Variants in RPL18 observed in about 807,000 individuals in gnomAD.
RPL18 encodes large ribosomal subunit protein eL18.
A neutral mutation model predicts 25.0 loss-of-function variants in RPL18; 4 were observed. The ratio of observed to expected loss-of-function variants is 0.16; its 90% CI spans 0.08 to 0.37. RPL18 has a LOEUF of 0.37. Among genes scored for constraint, RPL18 ranks in the 10% least tolerant of loss-of-function variants. The pLI is 1.00. For synonymous variants in RPL18, 129 were observed against 101.6 expected (o/e 1.27, Z -1.62); for missense variants, 179 against 267.9 (o/e 0.67, Z 2.32).
At position 48,617,261 on chromosome 19, in the gene RPL18, C is replaced by A. The variant is rs758352812; in HGVS notation, c.198+55G>T. 10 of 1,378,650 alleles carry A rather than the reference C, an allele frequency of 7.3e-6. No individual in the cohort carries two copies. In the East Asian group the frequency reaches 2.1e-4, roughly 28 times the overall value. The allele number at this position is 1,378,650 out of a possible 1,614,324, so 85.4% of individuals were successfully genotyped here. A position where few individuals can be genotyped will look rare whatever the true frequency, so the allele number is the denominator to read the frequency against. ...CTCCAAGTCCTGCCTCCCTTCCAGA[C>A]AGACAAGACCCAGCGGCTCCCAGGT... is the stretch of plus-strand genomic sequence containing the variant. On this transcript the variant is annotated intron_variant, in intron 3 of 6. Transcript: ENST00000549920.
intron 6 of RPL18, 29 bp from the exon 7 acceptor site, chr19:48,615,476 G>T (rs201895867): frequency 3.2e-6 from 5 of 1,575,380 alleles, no homozygotes; most frequent in Non-Finnish European, 4.4e-6. Context: ...GTGAGAGGGG[G>T]GCCCTCTTAA....
At chr19:48,615,641 C>A in intron 6 of RPL18, 194 bp from the exon 7 acceptor site, 1 of 652,008 alleles carries the variant, frequency 1.5e-6, no homozygotes, top group Non-Finnish European at 2.7e-6. Context: ...GGGTCCCAGC[C>A]TGGGCTGGCA....
rs1312636644 is a variant in RPL18, at chr19:48,615,924, C to T, written c.444G>A (p.Val148=). ...CTGGGGCCTTGCCGAAATGCCGGTA[C>T]ACCTCTCGGCCCTTGCGAGGACCTA... ...LLSGPRKGRE[V]YRHFGKAPGT... is the part of the protein sequence containing the mutation. The change falls in exon 6 of 7, where the codon GTG becomes GTA. Residue 148 remains valine (V), a synonymous_variant. Transcript: ENST00000549920. 4 of 1,613,720 alleles carry T rather than the reference C, an allele frequency of 2.5e-6. No individual in the cohort carries two copies. Among genetic ancestry groups the T allele is most frequent in the African/African-American group, 1.3e-5 (1 of 74,922 alleles).
chr19:48,617,618 C>G (rs1297073026), intron 2 of RPL18, 173 bp downstream of exon 2: 3 of 682,112 alleles, frequency 4.4e-6, no homozygotes, highest in Non-Finnish European at 7.6e-6. Flanking sequence ...CACTCCCGAG[C>G]TGTACACAGC....
rs182538312 is a variant in RPL18, at chr19:48,617,995, C to T, written c.4-118G>A. ...CAGGTCTGAACACACCAGCTCAAAT[C>T]CCAGGCCCACCACCAGGAGACCTGT... is the stretch of plus-strand genomic sequence containing the variant. On this transcript the variant is annotated intron_variant, in intron 1 of 6. Coordinates refer to ENST00000549920, the MANE Select transcript of RPL18 (RefSeq NM_000979.4). The T allele has an allele frequency of 2.4e-4, 173 of 708,428 alleles. No homozygotes were observed. The African/African-American group carries it at 2.6e-3, about 11-fold the overall frequency. 43.9% of individuals were successfully genotyped at this position (708,428 alleles called of 1,614,324 possible).
At chr19:48,619,037 C>T in intron 1 of RPL18, 104 bp downstream of exon 1, 8 of 1,260,280 alleles carry the variant, frequency 6.3e-6, no homozygotes, top group East Asian at 2.5e-5. Flanking sequence ...TTGCTCCCTC[C>T]GGGCAGCCGC....
intron 3 of RPL18, 58 bp from the exon 4 acceptor site, chr19:48,616,882 T>C: frequency 7.5e-7 from 1 of 1,329,786 alleles, no homozygotes; most frequent in South Asian, 1.2e-5. Flanking sequence ...TCAGCCCCGC[T>C]TGAGGCATCC....
chr19:48,619,009 G>A (rs879700622), intron 1 of RPL18, 132 bp downstream of exon 1: 2 of 926,594 alleles, frequency 2.2e-6, no homozygotes, highest in Non-Finnish European at 3.4e-6. Flanking sequence ...CCCCAGAGTA[G>A]GTCCCCAGTA....
chr19:48,616,258 G>A, intron 4 of RPL18, 56 bp from the exon 5 acceptor site: 1 of 1,600,344 alleles, frequency 6.2e-7, no homozygotes, highest in Admixed American at 1.7e-5. Context: ...CCCAGGGGCT[G>A]CCAGGACTCA....
chr19:48,616,343 C>G (rs1231976620), intron 4 of RPL18, 141 bp from the exon 5 acceptor site: 3 of 1,003,342 alleles, frequency 3.0e-6, no homozygotes, highest in African/African-American at 1.6e-5. Flanking sequence ...CCTGGGCTGA[C>G]AGCAGCAGTT....
At chr19:48,615,980 G>A in intron 5 of RPL18, 34 bp from the exon 6 acceptor site, 2 of 1,613,800 alleles carry the variant, frequency 1.2e-6, no homozygotes, top group Admixed American at 1.7e-5. Context: ...GGTGAGACAG[G>A]GATCTGGCGC....
In RPL18 at chr19:48,617,845, C is replaced by T; in HGVS notation, c.36G>A (p.Lys12=). 2 of 1,614,186 alleles carry T rather than the reference C, an allele frequency of 1.2e-6. No individual in the cohort carries two copies. The highest frequency in any genetic ancestry group is 1.1e-5 in the South Asian group (1 of 91,074). Residue 12 remains lysine, a synonymous_variant, in exon 2 of 7, where the codon AAG becomes AAA. Coordinates refer to ENST00000549920, the MANE Select transcript of RPL18 (RefSeq NM_000979.4). ...GVDIRHNKDR[K]VRRKEPKSQD... is the part of the protein sequence containing the mutation. Reference sequence around the variant, plus strand: ...GGCTCTTGGGCTCCTTGCGCCGAACCTTTCGGTCCTTGTTATGGCGGATGT... The same window carrying T: ...GGCTCTTGGGCTCCTTGCGCCGAACTTTTCGGTCCTTGTTATGGCGGATGT...
At chr19:48,615,763 A>C in intron 6 of RPL18, 114 bp downstream of exon 6, 1 of 940,526 alleles carries the variant, frequency 1.1e-6, no homozygotes, top group East Asian at 2.6e-5. Context: ...TGAGAGTTCC[A>C]GAAGGCCTGG....
chr19:48,617,124 A>G, intron 3 of RPL18, 192 bp downstream of exon 3: 1 of 716,728 alleles, frequency 1.4e-6, no homozygotes, highest in Non-Finnish European at 2.5e-6. Context: ...GAAGGAGAGG[A>G]GGACCAGGAG....
intron 3 of RPL18, 105 bp from the exon 4 acceptor site, chr19:48,616,929 C>G (rs1426515097): frequency 1.3e-6 from 1 of 798,856 alleles, no homozygotes; most frequent in Non-Finnish European, 2.2e-6. Flanking sequence ...ACGGGACCCC[C>G]CACTCACACC....
chr19:48,615,533 T>G, intron 6 of RPL18, 86 bp from the exon 7 acceptor site: 1 of 1,043,468 alleles, frequency 9.6e-7, no homozygotes, highest in Non-Finnish European at 1.5e-6. Context: ...GCCTGTCACA[T>G]TCAGCCCCAG....
intron 1 of RPL18, chr19:48,618,767 C>T: frequency 3.3e-6 from 1 of 300,100 alleles, no homozygotes; most frequent in Non-Finnish European, 6.3e-6. Context: ...CTCTCACCCG[C>T]CGCGGCCCCC....
intron 1 of RPL18, 154 bp downstream of exon 1, chr19:48,618,987 T>C: frequency 1.3e-6 from 1 of 766,818 alleles, no homozygotes; most frequent in Non-Finnish European, 2.2e-6. Flanking sequence ...GACCCATCCC[T>C]GCTTTCCTGG....
At chr19:48,615,471 A>AG (rs751705474) in intron 6 of RPL18, 24 bp from the exon 7 acceptor site, 18 of 1,589,518 alleles carry the variant, frequency 1.1e-5, no homozygotes, top group South Asian at 5.6e-5. Context: ...AGGGAGTGAG[A>AG]GGGGGGCCCT....
Sources: gnomAD v4.1 joint callset for allele counts on GRCh38, gnomAD v4.1.1 for gene constraint, MANE v1.5 for transcripts, NCBI Gene and HGNC (gene_info 2026-07-23, HGNC 2026-07-21) for gene names.